Variants in EXOC6 observed in about 807,000 individuals in gnomAD.
The protein encoded by EXOC6 is SEC15-like 1.
EXOC6 carries 60 observed loss-of-function variants against 112.5 expected under a neutral mutation model. That is an observed-to-expected ratio of 0.53 (90% confidence interval 0.43 to 0.66). EXOC6 has a LOEUF of 0.66. EXOC6 is among the 30% of genes least tolerant of loss of function. EXOC6 has a pLI of 0.00. For missense variants in EXOC6, 855 were observed against 957.1 expected (o/e 0.89, Z 1.41); for synonymous variants, 295 against 308.0 (o/e 0.96, Z 0.44).
intron 17 of EXOC6, among the ~76,000 whole-genome samples, chr10:92,970,801 A>G (rs1329418036): frequency 6.6e-6 from 1 of 152,220 alleles, no homozygotes; most frequent in Non-Finnish European, 1.5e-5. Flanking sequence ...ATGTCTATCA[A>G]TAGTTGGTTT....
intron 15 of EXOC6, among the ~76,000 whole-genome samples, chr10:92,952,654 G>A (rs1220381493): frequency 6.6e-6 from 1 of 152,094 alleles, no homozygotes; most frequent in East Asian, 1.9e-4. Context: ...TTACATCCAT[G>A]TGTACCTAGT....
At chr10:92,955,515 T>A (rs1853644818) in intron 16 of EXOC6, 65 bp from the exon 17 acceptor site, 13 of 1,325,538 alleles carry the variant, frequency 9.8e-6, no homozygotes, top group Non-Finnish European at 1.3e-5. Flanking sequence ...ATCCCATTTT[T>A]AAAAATTAGG....
chr10:92,930,547 A>C (rs1851970369), intron 9 of EXOC6, among the ~76,000 whole-genome samples: 1 of 151,782 alleles, frequency 6.6e-6, no homozygotes, highest in Admixed American at 6.6e-5. Flanking sequence ...GCTTGAAATC[A>C]TACAAAGTCT....
At chr10:92,913,506 G>A (rs1850914388) in intron 6 of EXOC6, among the ~76,000 whole-genome samples, 1 of 152,080 alleles carries the variant, frequency 6.6e-6, no homozygotes, top group Non-Finnish European at 1.5e-5. Context: ...AGCAGTATTT[G>A]CTGTCTTACA....
intron 18 of EXOC6, among the ~76,000 whole-genome samples, chr10:92,992,287 C>T (rs2478231): frequency 6.7e-5 from 5 of 74,236 alleles, no homozygotes; most frequent in African/African-American, 2.7e-4. Flanking sequence ...GACTCTGTCT[C>T]AAAAAAAAAA....
intron 20 of EXOC6, among the ~76,000 whole-genome samples, chr10:93,047,137 C>A (rs140763285): frequency 6.6e-6 from 1 of 152,260 alleles, no homozygotes; most frequent in Non-Finnish European, 1.5e-5. Context: ...GTTGGCTAAT[C>A]TGGAATATTG....
intron 1 of EXOC6, among the ~76,000 whole-genome samples, chr10:92,874,436 T>C (rs1848600049): frequency 6.6e-6 from 1 of 152,118 alleles, no homozygotes; most frequent in Non-Finnish European, 1.5e-5. Flanking sequence ...AAACAGAAAA[T>C]TAGATTGAGA....
rs150888929 is a variant in EXOC6 at position 92,947,164 on chromosome 10, A to G, written c.1311-1110A>G. On this transcript the variant is annotated intron_variant, in intron 13 of 21. Coordinates refer to ENST00000260762, the MANE Select transcript of EXOC6 (RefSeq NM_019053.6). ...CCTAGGTTATGCTACAGCAACAAAA[A>G]TTCCCCAAATATCAGTGGATGAACA... Among the ~76,000 whole-genome samples, 420 of 152,354 alleles carry G rather than the reference A, an allele frequency of 2.8e-3. 1 individual carries two copies. The highest frequency in any genetic ancestry group is 0.01 in the Middle Eastern group (3 of 294).
intron 1 of EXOC6, among the ~76,000 whole-genome samples, chr10:92,877,252 T>A (rs984445855): frequency 6.6e-6 from 1 of 152,144 alleles, no homozygotes; most frequent in Non-Finnish European, 1.5e-5. Flanking sequence ...ATAAATAATA[T>A]CAGCAACTGA....
intron 15 of EXOC6, among the ~76,000 whole-genome samples, chr10:92,953,612 C>T (rs1210080045): frequency 5.9e-5 from 9 of 152,150 alleles, no homozygotes; most frequent in Non-Finnish European, 8.8e-5. Flanking sequence ...ACAGTCTCCA[C>T]GACAAAGAAT....
intron 15 of EXOC6, among the ~76,000 whole-genome samples, chr10:92,952,774 T>C (rs2095730995): frequency 6.6e-6 from 1 of 152,150 alleles, no homozygotes; most frequent in East Asian, 1.9e-4. Flanking sequence ...GCAAAGGACA[T>C]GATTTTGTTC....
At chr10:93,023,054 T>A (rs563088974) in intron 20 of EXOC6, among the ~76,000 whole-genome samples, 2 of 151,992 alleles carry the variant, frequency 1.3e-5, no homozygotes, top group Non-Finnish European at 1.5e-5. Context: ...ACAGTTCTTT[T>A]CAAGCATACT....
At chr10:92,837,478 G>A (rs550083427) in intron 1 of EXOC6, among the ~76,000 whole-genome samples, 1 of 152,232 alleles carries the variant, frequency 6.6e-6, no homozygotes, top group Admixed American at 6.5e-5. Context: ...ACCAGCTGAA[G>A]CAACATAGTG....
At chr10:93,019,300 T>C (rs1197367591) in intron 20 of EXOC6, among the ~76,000 whole-genome samples, 1 of 152,188 alleles carries the variant, frequency 6.6e-6, no homozygotes, top group African/African-American at 2.4e-5. Context: ...TTTTGTTGAC[T>C]TTTTATTTAA....
chr10:92,981,181 GA>G (rs1425334841), intron 18 of EXOC6, among the ~76,000 whole-genome samples: 3 of 152,188 alleles, frequency 2.0e-5, no homozygotes, highest in Non-Finnish European at 4.4e-5. Flanking sequence ...ACTTAAACCA[GA>G]AGAATTTTTA....
chr10:92,994,446 G>A (rs746922188), intron 18 of EXOC6, among the ~76,000 whole-genome samples: 1 of 152,192 alleles, frequency 6.6e-6, no homozygotes, highest in Non-Finnish European at 1.5e-5. Context: ...TCAGCCAAAT[G>A]TTAGAGCAGG....
At chr10:92,833,264 C>T (rs1846550355), upstream of EXOC6, among the ~76,000 whole-genome samples, 4 of 152,204 alleles carry the variant, frequency 2.6e-5, no homozygotes, top group South Asian at 8.3e-4. Flanking sequence ...AGTTCTGTTT[C>T]AGGCTGCTGC....
chr10:92,974,663 C>T (rs1311530222), intron 18 of EXOC6, among the ~76,000 whole-genome samples: 1 of 152,146 alleles, frequency 6.6e-6, no homozygotes, highest in African/African-American at 2.4e-5. Context: ...TGCAACCTCC[C>T]TGCCTGATTC....
At chr10:92,984,105 C>T (rs560531028) in intron 18 of EXOC6, among the ~76,000 whole-genome samples, 45 of 152,236 alleles carry the variant, frequency 3.0e-4, no homozygotes, top group African/African-American at 1.1e-3. Context: ...ATATTGTTCC[C>T]TTTACACAAA....
Sources: gnomAD v4.1 joint callset for allele counts (sites outside exome capture counted in the v4.1 genomes callset) on GRCh38, gnomAD v4.1.1 for gene constraint, MANE v1.5 for transcripts, NCBI Gene and HGNC (gene_info 2026-07-23, HGNC 2026-07-21) for gene names.